PROSER2: variants seen among roughly 807,000 people sequenced by gnomAD.
The protein encoded by PROSER2 is proline and serine-rich protein 2.
A neutral mutation model predicts 14.6 loss-of-function variants in PROSER2; 18 were observed. The observed-to-expected ratio is 1.23, with a 90% CI of 0.85 to 1.83. The LOEUF is 1.83. Ranked by LOEUF, PROSER2 falls within the 40% of genes most tolerant of loss-of-function variation. The probability of loss-of-function intolerance (pLI) is 0.00; values close to 1 mark genes in which losing one functional copy is unlikely to be tolerated. For synonymous variants in PROSER2, 367 were observed against 286.4 expected (o/e 1.28, Z -2.84); for missense variants, 823 against 629.8 (o/e 1.31, Z -3.28).
chr10:11,842,116 A>G (rs10752244), intron 1 of PROSER2, among the ~76,000 whole-genome samples: 149,626 of 152,032 alleles, frequency 0.98, 73,662 homozygotes, highest in East Asian at 1. Context: ...CAGCTACTTG[A>G]GAGGCTAAGG....
At position 11,869,534 on chromosome 10, in the gene PROSER2, ACTC is replaced by A. The variant is rs1235037910; in HGVS notation, c.441_443del (p.Pro150del). 4.3e-6 allele frequency: 7 copies of A among 1,612,076 alleles called. No homozygotes were observed. The African/African-American group carries it at 5.4e-5, about 12-fold the overall frequency. On this transcript the variant is annotated inframe_deletion, in exon 4 of 4. Coordinates refer to ENST00000277570, the MANE Select transcript of PROSER2 (RefSeq NM_153256.4). The surrounding 1 kb of genome is among the most constrained non-coding windows in gnomAD (Gnocchi z 4.4). The stretch of plus-strand genomic sequence containing the variant: ...GGAGCACAGGAAACAAGATGCTGAG[ACTC>A]CTCCACCTCCAGACCCCCCGGCTCC...
chr10:11,861,665 C>G lies in PROSER2; in HGVS notation c.139-4866C>G, dbSNP rs77091472. ...ATAGCCTGTGGCCCGTAGCTGCCCC[C>G]ACTCCGTGCTTTTGTAAATACAGTT... On this transcript the variant is annotated intron_variant, in intron 2 of 3. Transcript: ENST00000277570. 9.1e-3 allele frequency among the ~76,000 whole-genome samples: 1,381 copies of G among 152,318 alleles called. 20 individuals are homozygous for G. Among genetic ancestry groups the G allele is most frequent in the African/African-American group, 0.032 (1,323 of 41,550 alleles).
intron 2 of PROSER2, among the ~76,000 whole-genome samples, chr10:11,853,958 C>T (rs1430752290): frequency 6.6e-6 from 1 of 152,188 alleles, no homozygotes; most frequent in African/African-American, 2.4e-5. Flanking sequence ...TGTCTGTTCC[C>T]TGCCGTGCCT....
intron 1 of PROSER2, among the ~76,000 whole-genome samples, chr10:11,842,886 A>C (rs1483114717): frequency 6.8e-6 from 1 of 146,888 alleles, no homozygotes; most frequent in African/African-American, 2.5e-5. Context: ...TCTTGGTTTC[A>C]GATGAAACAG....
Position 11,869,886 on chromosome 10 carries a change from C to T in PROSER2, c.788C>T (p.Ala263Val). ...AGCAACATCATCGTCACCAACGGCG[C>T]GGCCCGGGAGCCCCGCAGGACCCTG... ...FPSNIIVTNGAAREPRRTLSR... is the reference protein window; with the variant it reads ...FPSNIIVTNGVAREPRRTLSR... The change falls in exon 4 of 4, where the codon GCG (alanine) becomes GTG (valine). Residue 263 changes from alanine (A) to valine (V), a missense_variant. Transcript: ENST00000277570. The surrounding 1 kb of genome is among the most constrained non-coding windows in gnomAD (Gnocchi z 4.4). The T allele has an allele frequency of 1.3e-5, 20 of 1,591,470 alleles. No individual in the cohort carries two copies. The highest frequency in any genetic ancestry group is 2.3e-5 in the East Asian group (1 of 43,944).
chr10:11,824,890 C>T (rs183952471), intron 1 of PROSER2, among the ~76,000 whole-genome samples: 1 of 152,256 alleles, frequency 6.6e-6, no homozygotes, highest in East Asian at 1.9e-4. Flanking sequence ...AAGGTCTGAG[C>T]GTGTTTGAAT....
chr10:11,860,840 T>C (rs535071831), intron 2 of PROSER2, among the ~76,000 whole-genome samples: 2 of 152,036 alleles, frequency 1.3e-5, no homozygotes, highest in East Asian at 3.9e-4. Flanking sequence ...GCATGGCGGC[T>C]CATGCTTGTA....
intron 1 of PROSER2, among the ~76,000 whole-genome samples, chr10:11,842,868 T>G (rs1396523673): frequency 6.6e-6 from 1 of 151,644 alleles, no homozygotes; most frequent in African/African-American, 2.4e-5. Flanking sequence ...TGTGTATTTT[T>G]CAGCCTGTCT....
rs142976951 is a variant in PROSER2 at position 11,830,871 on chromosome 10, C to G, written c.-82+7401C>G. Among the ~76,000 whole-genome samples, 1,093 of 152,226 alleles carry G rather than the reference C, an allele frequency of 7.2e-3. 15 individuals are homozygous for G. Among genetic ancestry groups the G allele is most frequent in the African/African-American group, 0.025 (1,038 of 41,524 alleles). ...CTTGAGGAATTTGCTAGCAGGTTCC[C>G]CAGAGGTATAGGAAGAGCGGGAGGA... is the stretch of plus-strand genomic sequence containing the variant. On this transcript the variant is annotated intron_variant, in intron 1 of 3. Transcript: ENST00000277570. This position sits in a 1 kb window ranked among gnomAD's most constrained non-coding sequence, Gnocchi z 4.5.
rs544026571 is a variant in PROSER2 at position 11,836,088 on chromosome 10, G to A, written c.-82+12618G>A. Reference sequence around the variant, plus strand: ...ACTCTGTCGCCCAGGCTGCAGTGCAGTGGCACGATCTTGGCTCACTGCAAC... The same window carrying A: ...ACTCTGTCGCCCAGGCTGCAGTGCAATGGCACGATCTTGGCTCACTGCAAC... On this transcript the variant is annotated intron_variant, in intron 1 of 3. Transcript: ENST00000277570. The surrounding 1 kb of genome is among the most constrained non-coding windows in gnomAD (Gnocchi z 4.6). Among the ~76,000 whole-genome samples, 1 of 152,316 alleles carries A rather than the reference G, an allele frequency of 6.6e-6. No individual in the cohort carries two copies. The highest frequency in any genetic ancestry group is 1.9e-4 in the East Asian group (1 of 5,186).
At chr10:11,863,898 C>T (rs919363050) in intron 2 of PROSER2, among the ~76,000 whole-genome samples, 6 of 152,126 alleles carry the variant, frequency 3.9e-5, no homozygotes, top group Non-Finnish European at 5.9e-5. Context: ...GCATGGTTTC[C>T]TTTGCCACCC....
At chr10:11,828,522 T>C (rs1833645994) in intron 1 of PROSER2, among the ~76,000 whole-genome samples, 1 of 151,886 alleles carries the variant, frequency 6.6e-6, no homozygotes, top group Non-Finnish European at 1.5e-5. Flanking sequence ...GCCAACATGG[T>C]GAAACCCCAT....
rs780855782 is a variant in PROSER2 at position 11,852,144 on chromosome 10, C to A, written c.67C>A (p.Leu23Ile). ...MNSDTSPSCR[L>I]RAFSRGGSLE... is the part of the protein sequence containing the mutation. Reference sequence around the variant, plus strand: ...CTCAGACACGTCCCCCAGCTGCAGGCTCCGAGCCTTCAGCAGAGGCGGCAG... The same window carrying A: ...CTCAGACACGTCCCCCAGCTGCAGGATCCGAGCCTTCAGCAGAGGCGGCAG... Residue 23 changes from leucine (L) to isoleucine (I), a missense_variant, in exon 2 of 4, where the codon CTC becomes ATC. By Grantham distance (5) the Leu-to-Ile change is conservative. Transcript: ENST00000277570. The A allele has an allele frequency of 5.6e-6, 9 of 1,613,482 alleles. No individual in the cohort carries two copies. In the East Asian group the frequency reaches 2.0e-4, roughly 36 times the overall value.
chr10:11,847,001 C>T (rs1339804160), intron 1 of PROSER2, among the ~76,000 whole-genome samples: 2 of 151,956 alleles, frequency 1.3e-5, no homozygotes, highest in Non-Finnish European at 2.9e-5. Context: ...ATCCTCCCAC[C>T]TCGGCCTCCC....
rs531167381 is a variant in PROSER2 at position 11,854,106 on chromosome 10, TCTC to T, written c.138+1897_138+1899del. 1.9e-3 allele frequency among the ~76,000 whole-genome samples: 296 copies of T among 152,348 alleles called. 2 individuals are homozygous for T. The highest frequency in any genetic ancestry group is 7.6e-3 in the Admixed American group (116 of 15,298). ...GCTGCATATCCAGCCTTAGACCTGT[TCTC>T]CTCCTGATGTTGGAGGAATGTTCTG... On this transcript the variant is annotated intron_variant, in intron 2 of 3. Transcript: ENST00000277570.
At position 11,866,828 on chromosome 10, in the gene PROSER2, T is replaced by A. The variant is rs1834358482; in HGVS notation, c.391+45T>A. The A allele has an allele frequency of 2.5e-6, 4 of 1,580,722 alleles. No individual in the cohort carries two copies. Among genetic ancestry groups the A allele is most frequent in the African/African-American group, 2.7e-5 (2 of 74,174 alleles). Reference sequence around the variant, plus strand: ...ATCCCTGGGATGTGGTTTCCTGGTGTCTGTGAGACCCAGAGATACTTCTTT... The same window carrying A: ...ATCCCTGGGATGTGGTTTCCTGGTGACTGTGAGACCCAGAGATACTTCTTT... On this transcript the variant is annotated intron_variant, in intron 3 of 3. Transcript: ENST00000277570. The surrounding 1 kb of genome is among the most constrained non-coding windows in gnomAD (Gnocchi z 6.0).
Position 11,870,264 on chromosome 10 carries a change from C to G in PROSER2, c.1166C>G (p.Pro389Arg). Residue 389 changes from proline (P) to arginine (R), a missense_variant, in exon 4 of 4, where the codon CCC becomes CGC. Physicochemically the swap from Pro to Arg is moderately radical, Grantham distance 103. Transcript: ENST00000277570. ...ARQSFPGPRQ[P>R]NGAQDWRRAD... is the part of the protein sequence containing the mutation. ...CAGAGCTTCCCCGGGCCCCGGCAGC[C>G]CAACGGCGCCCAGGACTGGCGCCGC... 6.7e-7 allele frequency: 1 copy of G among 1,488,544 alleles called. No individual in the cohort carries two copies. The highest frequency in any genetic ancestry group is 8.9e-7 in the Non-Finnish European group (1 of 1,127,028). 92.2% of individuals were successfully genotyped at this position (1,488,544 alleles called of 1,614,324 possible). A position where few individuals can be genotyped will look rare whatever the true frequency, so the allele number is the denominator to read the frequency against.
rs1408405877 is a variant in PROSER2, at chr10:11,856,456, C to T, written c.138+4241C>T. Among the ~76,000 whole-genome samples, 2 of 152,190 alleles carry T rather than the reference C, an allele frequency of 1.3e-5. No individual in the cohort carries two copies. The highest frequency in any genetic ancestry group is 2.1e-4 in the South Asian group (1 of 4,830). ...ATAGGATTTGGCTGCTCGGAAAGGG[C>T]GGAGAGCTCTGCACTCGCATGGTTC... On this transcript the variant is annotated intron_variant, in intron 2 of 3. Transcript: ENST00000277570. The surrounding 1 kb of genome is among the most constrained non-coding windows in gnomAD (Gnocchi z 5.3).
rs1055939686 is a variant in PROSER2, at chr10:11,865,909, A to G, written c.139-622A>G. ...AGCCGCTCAGCACCTCCAGGGCCTG[A>G]GCTTCTGGGCAGTTCTTCGGGATGC... On this transcript the variant is annotated intron_variant, in intron 2 of 3. Coordinates refer to ENST00000277570, the MANE Select transcript of PROSER2 (RefSeq NM_153256.4). The surrounding 1 kb of genome is among the most constrained non-coding windows in gnomAD (Gnocchi z 4.2). Among the ~76,000 whole-genome samples, 1 of 151,896 alleles carries G rather than the reference A, an allele frequency of 6.6e-6. No homozygotes were observed. The highest frequency in any genetic ancestry group is 2.4e-5 in the African/African-American group (1 of 41,326).
Sources: gnomAD v4.1 joint callset for allele counts (sites outside exome capture counted in the v4.1 genomes callset) on GRCh38, gnomAD v4.1.1 for gene constraint, Gnocchi (gnomAD v3.1) non-coding constraint, MANE v1.5 for transcripts, NCBI Gene and HGNC (gene_info 2026-07-23, HGNC 2026-07-21) for gene names.